TENM3: variants seen among roughly 807,000 people sequenced by gnomAD.
The protein encoded by TENM3 is teneurin-3.
In TENM3, 63 loss-of-function variants were observed where a neutral mutation model predicts 255.1. That is an observed-to-expected ratio of 0.25 (90% CI 0.20 to 0.30). TENM3 has a LOEUF of 0.30. Ranked by LOEUF, TENM3 falls within the 10% of genes least tolerant of loss-of-function variation. The pLI, the probability that TENM3 is intolerant of heterozygous loss-of-function variation, is 1.00. For missense variants in TENM3, 2,929 were observed against 3,461.1 expected (o/e 0.85, Z 3.86); for synonymous variants, 1,306 against 1,322.3 (o/e 0.99, Z 0.27).
At chr4:182,678,484 C>G (rs1755832148) in intron 7 of TENM3, among the ~76,000 whole-genome samples, 1 of 152,086 alleles carries the variant, frequency 6.6e-6, no homozygotes, top group Non-Finnish European at 1.5e-5. Context: ...TAAGTAAAGC[C>G]CATGGCGTTC....
chr4:182,186,088 G>C (rs1753131461), intron 1 of TENM3, among the ~76,000 whole-genome samples: 1 of 152,066 alleles, frequency 6.6e-6, no homozygotes, highest in Non-Finnish European at 1.5e-5. Context: ...TTAATTAAAA[G>C]AAAAGAAAAA....
At chr4:182,291,495 G>C (rs577572943) in intron 1 of TENM3, among the ~76,000 whole-genome samples, 2 of 149,784 alleles carry the variant, frequency 1.3e-5, no homozygotes, top group Admixed American at 1.3e-4. Flanking sequence ...AGGATGCCCC[G>C]CTGTGTGTCC....
At chr4:182,652,285 T>A (rs1251820812) in intron 5 of TENM3, among the ~76,000 whole-genome samples, 1 of 152,210 alleles carries the variant, frequency 6.6e-6, no homozygotes, top group Non-Finnish European at 1.5e-5. Flanking sequence ...GTATGAGGGA[T>A]GCACAGGTAT....
At chr4:182,780,743 T>G (rs544274723) in intron 24 of TENM3, among the ~76,000 whole-genome samples, 19 of 152,096 alleles carry the variant, frequency 1.2e-4, no homozygotes, top group African/African-American at 4.6e-4. Flanking sequence ...GACCAGTGGT[T>G]TGTAGTTCTC....
chr4:181,888,502 A>ATATATACATATATGTG, the TENM3 span, among the ~76,000 whole-genome samples: 5 of 24,382 alleles, frequency 2.1e-4, no homozygotes, highest in East Asian at 5.4e-3. Flanking sequence ...GTGTATATAT[A>ATATATACATATATGTG]TATATATATA....
At chr4:182,198,965 T>G (rs1317941194) in intron 1 of TENM3, among the ~76,000 whole-genome samples, 91 of 152,226 alleles carry the variant, frequency 6.0e-4, no homozygotes, top group Admixed American at 2.0e-3. Context: ...AAAGAAGAAG[T>G]AGGCCCTTGC....
chr4:181,692,086 T>C, the TENM3 span, among the ~76,000 whole-genome samples: 5 of 152,308 alleles, frequency 3.3e-5, no homozygotes, highest in South Asian at 1.0e-3. Flanking sequence ...AGTTGGCACA[T>C]GGATGAACGA....
At chr4:182,678,163 A>G (rs1249454322) in intron 7 of TENM3, among the ~76,000 whole-genome samples, 4 of 151,994 alleles carry the variant, frequency 2.6e-5, no homozygotes. Context: ...AATCTAAAAA[A>G]CTCCTTGAAA....
intron 13 of TENM3, among the ~76,000 whole-genome samples, chr4:182,723,424 G>A (rs557443763): frequency 3.9e-5 from 6 of 152,146 alleles, no homozygotes; most frequent in Non-Finnish European, 7.4e-5. Flanking sequence ...GGGTGGGGGC[G>A]AAGTACCAAA....
At chr4:181,948,310 A>T in the TENM3 span, among the ~76,000 whole-genome samples, 2 of 152,204 alleles carry the variant, frequency 1.3e-5, no homozygotes, top group Non-Finnish European at 2.9e-5. Context: ...GGATAAGCTG[A>T]TATAAAACGA....
chr4:181,639,534 G>A, the TENM3 span, among the ~76,000 whole-genome samples: 11 of 152,124 alleles, frequency 7.2e-5, no homozygotes, highest in Non-Finnish European at 1.6e-4. Context: ...GAGGTCAGGA[G>A]TTTGAGACCA....
At chr4:181,553,071 T>TGATATGG in the TENM3 span, among the ~76,000 whole-genome samples, 1 of 152,176 alleles carries the variant, frequency 6.6e-6, no homozygotes, top group Admixed American at 6.6e-5. Context: ...GAAAATCACT[T>TGATATGG]GATATGGGGC....
the TENM3 span, among the ~76,000 whole-genome samples, chr4:181,708,267 T>A: frequency 6.6e-6 from 1 of 152,356 alleles, no homozygotes; most frequent in African/African-American, 2.4e-5. Context: ...TGATAAGATA[T>A]AATTAGGTTT....
chr4:182,800,562 G>T lies in TENM3; in HGVS notation c.*211G>T, dbSNP rs1366616106. The T allele has an allele frequency of 1.8e-6, 1 of 548,982 alleles. No individual in the cohort carries two copies. Among genetic ancestry groups the T allele is most frequent in the African/African-American group, 2.0e-5 (1 of 50,062 alleles). 34.0% of individuals were successfully genotyped at this position (548,982 alleles called of 1,614,324 possible). A position where few individuals can be genotyped will look rare whatever the true frequency, so the allele number is the denominator to read the frequency against. On this transcript the variant is annotated 3_prime_UTR_variant, in exon 28 of 28. Coordinates refer to ENST00000511685, the MANE Select transcript of TENM3 (RefSeq NM_001080477.4). ...TAACGAATATGTTTACATATGCATA[G>T]CGCTGCACTCAGTCGGACTGAACGT...
At chr4:182,321,436 A>G (rs1763046041) in intron 1 of TENM3, among the ~76,000 whole-genome samples, 2 of 151,880 alleles carry the variant, frequency 1.3e-5, no homozygotes, top group Admixed American at 1.3e-4. Flanking sequence ...GACCAGCCTC[A>G]CCAACATGGT....
In TENM3 at chr4:182,435,240, C is replaced by T. The variant is rs1028455027; in HGVS notation, c.511+88311C>T. Among the ~76,000 whole-genome samples the T allele has an allele frequency of 1.3e-4, 20 of 152,278 alleles. No individual in the cohort carries two copies. The South Asian group carries it at 2.1e-3, about 16-fold the overall frequency. On this transcript the variant is annotated intron_variant, in intron 3 of 27. Transcript: ENST00000511685. Reference sequence around the variant, plus strand: ...AGAGTCAATTCTCCCTGCCAGACCACTACAGAGAGCTATTTTCCTTCAACT... The same window carrying T: ...AGAGTCAATTCTCCCTGCCAGACCATTACAGAGAGCTATTTTCCTTCAACT...
the TENM3 span, among the ~76,000 whole-genome samples, chr4:182,041,143 A>C: frequency 9.2e-5 from 14 of 152,150 alleles, no homozygotes; most frequent in African/African-American, 2.4e-4. Context: ...AATTAGAAGA[A>C]AGAGAATAAA....
intron 1 of TENM3, among the ~76,000 whole-genome samples, chr4:182,212,761 G>A (rs1755140532): frequency 6.6e-6 from 1 of 152,166 alleles, no homozygotes; most frequent in South Asian, 2.1e-4. Flanking sequence ...GTGACAAGTG[G>A]AAGAAAATCA....
intron 1 of TENM3, among the ~76,000 whole-genome samples, chr4:182,271,031 C>T (rs1759583513): frequency 6.6e-6 from 1 of 152,150 alleles, no homozygotes; most frequent in Non-Finnish European, 1.5e-5. Context: ...GGAACAAAAT[C>T]AAATACCTGC....
Sources: gnomAD v4.1 joint callset for allele counts (sites outside exome capture counted in the v4.1 genomes callset) on GRCh38, gnomAD v4.1.1 for gene constraint, MANE v1.5 for transcripts, NCBI Gene and HGNC (gene_info 2026-07-23, HGNC 2026-07-21) for gene names.